Variants in CALD1 observed in about 807,000 individuals in gnomAD.
The protein encoded by CALD1 is caldesmon.
CALD1 carries 33 observed loss-of-function variants against 99.9 expected under a neutral mutation model. The observed-to-expected ratio is 0.33, with a 90% CI of 0.25 to 0.44. The LOEUF is 0.44. CALD1 is among the 20% of genes least tolerant of loss of function. CALD1 has a pLI of 1.00. For synonymous variants in CALD1, 310 were observed against 325.0 expected (o/e 0.95, Z 0.50); for missense variants, 861 against 962.1 (o/e 0.89, Z 1.39).
chr7:134,937,442 G>GT (rs1055928260), intron 6 of CALD1, among the ~76,000 whole-genome samples: 2 of 151,866 alleles, frequency 1.3e-5, no homozygotes, highest in African/African-American at 4.8e-5. Context: ...ACTCAAACTG[G>GT]TTTTTTTAAA....
intron 1 of CALD1, among the ~76,000 whole-genome samples, chr7:134,810,547 CT>C (rs1488959076): frequency 6.6e-6 from 1 of 152,124 alleles, no homozygotes; most frequent in Non-Finnish European, 1.5e-5. Context: ...GGGGAGAGAG[CT>C]ACAACAACCA....
At chr7:134,790,570 T>C (rs1430732446) in intron 1 of CALD1, among the ~76,000 whole-genome samples, 1 of 152,182 alleles carries the variant, frequency 6.6e-6, no homozygotes, top group Non-Finnish European at 1.5e-5. Flanking sequence ...ACAAGCACAT[T>C]GTCATTCCCT....
chr7:134,713,181 C>T, the CALD1 span, among the ~76,000 whole-genome samples: 3 of 152,216 alleles, frequency 2.0e-5, no homozygotes, highest in Non-Finnish European at 4.4e-5. Context: ...TTTCATTCCT[C>T]GTTTCCTAGA....
At chr7:134,822,721 T>G (rs1381500108) in intron 1 of CALD1, among the ~76,000 whole-genome samples, 3 of 152,180 alleles carry the variant, frequency 2.0e-5, no homozygotes, top group Non-Finnish European at 4.4e-5. Flanking sequence ...CTTTTCAAAC[T>G]TCCTCCCCAA....
chr7:134,758,501 G>GTGTGTGT (rs1796748464), intron 1 of CALD1, among the ~76,000 whole-genome samples: 1 of 145,128 alleles, frequency 6.9e-6, no homozygotes, highest in African/African-American at 2.6e-5. Context: ...CTCCCATTGG[G>GTGTGTGT]GTGTGTGTGT....
intron 7 of CALD1, 64 bp downstream of exon 7, chr7:134,941,301 A>T: frequency 1.5e-6 from 2 of 1,326,820 alleles, no homozygotes; most frequent in East Asian, 2.3e-5. Flanking sequence ...AAAAAAAGTC[A>T]GTCTTCCCAT....
At chr7:134,832,390 C>G (rs775696415) in intron 1 of CALD1, among the ~76,000 whole-genome samples, 20 of 152,184 alleles carry the variant, frequency 1.3e-4, no homozygotes, top group Non-Finnish European at 2.1e-4. Context: ...CTCTCCTGCT[C>G]CCTGCTCATG....
chr7:134,720,717 G>A, the CALD1 span, among the ~76,000 whole-genome samples: 2 of 152,202 alleles, frequency 1.3e-5, no homozygotes, highest in Non-Finnish European at 2.9e-5. Context: ...ATGAAATGTA[G>A]CAGTTGGTCA....
chr7:134,765,329 A>G (rs1412621222), intron 1 of CALD1, among the ~76,000 whole-genome samples: 1 of 152,012 alleles, frequency 6.6e-6, no homozygotes, highest in African/African-American at 2.4e-5. Flanking sequence ...AAAAAAAAAA[A>G]GAAAGAAAAG....
chr7:134,751,879 A>C (rs1454324061), intron 1 of CALD1, among the ~76,000 whole-genome samples: 1 of 152,046 alleles, frequency 6.6e-6, no homozygotes, highest in African/African-American at 2.4e-5. Context: ...TGGGAGGCTG[A>C]GGTGGGATGA....
At chr7:134,730,943 C>T in the CALD1 span, among the ~76,000 whole-genome samples, 231 of 152,230 alleles carry the variant, frequency 1.5e-3, 1 homozygote, top group Middle Eastern at 0.017. Flanking sequence ...TCATCTATTG[C>T]CACCTCCAGC....
In CALD1 at chr7:134,819,695, C is replaced by T. The variant is rs531643363; in HGVS notation, c.-129-24189C>T. On this transcript the variant is annotated intron_variant, in intron 1 of 14. Transcript: ENST00000361675. ...CCCTTGTAAAAAACATTTTAGTACC[C>T]AATGATGACTATACGTAAACCCTCT... Among the ~76,000 whole-genome samples the T allele has an allele frequency of 2.6e-5, 4 of 152,256 alleles. No individual in the cohort carries two copies. The East Asian group carries it at 5.8e-4, about 22-fold the overall frequency.
chr7:134,874,793 G>A (rs994776626), intron 3 of CALD1, among the ~76,000 whole-genome samples: 7 of 152,142 alleles, frequency 4.6e-5, no homozygotes, highest in African/African-American at 1.7e-4. Flanking sequence ...ACATTTGAAA[G>A]TAAATATTTT....
intron 3 of CALD1, among the ~76,000 whole-genome samples, chr7:134,879,016 T>C (rs1330284731): frequency 3.3e-5 from 5 of 152,206 alleles, no homozygotes; most frequent in East Asian, 1.9e-4. Context: ...ATACTTATAT[T>C]GAACCTCTCT....
intron 2 of CALD1, among the ~76,000 whole-genome samples, chr7:134,858,031 A>G (rs1800392184): frequency 6.6e-6 from 1 of 151,614 alleles, no homozygotes; most frequent in African/African-American, 2.4e-5. Flanking sequence ...TGGAAGTGTT[A>G]GTTGAACAAA....
chr7:134,918,439 A>C (rs1804372338), intron 3 of CALD1, among the ~76,000 whole-genome samples: 1 of 152,256 alleles, frequency 6.6e-6, no homozygotes, highest in African/African-American at 2.4e-5. Flanking sequence ...GAATCACAGA[A>C]TGCATGCAGT....
At chr7:134,861,490 G>A (rs1386770753) in intron 2 of CALD1, among the ~76,000 whole-genome samples, 1 of 152,142 alleles carries the variant, frequency 6.6e-6, no homozygotes, top group African/African-American at 2.4e-5. Flanking sequence ...ACAAAGCACT[G>A]AATCTCAAGA....
intron 1 of CALD1, among the ~76,000 whole-genome samples, chr7:134,787,215 A>T (rs1372510076): frequency 2.0e-5 from 3 of 152,122 alleles, no homozygotes; most frequent in African/African-American, 7.2e-5. Context: ...TTTAAGCACA[A>T]AGTTATCAAC....
chr7:134,748,513 C>A (rs1331957998), intron 1 of CALD1, among the ~76,000 whole-genome samples: 1 of 152,162 alleles, frequency 6.6e-6, no homozygotes, highest in Non-Finnish European at 1.5e-5. Context: ...AGTTCGAGAC[C>A]AGCCTGGCCA....
Sources: allele counts gnomAD v4.1 joint callset (sites outside exome capture counted in the v4.1 genomes callset), GRCh38; gene constraint gnomAD v4.1.1; transcripts MANE v1.5; gene names NCBI Gene and HGNC (gene_info 2026-07-23, HGNC 2026-07-21).